SH3GL2: variants seen among roughly 807,000 people sequenced by gnomAD.
The protein encoded by SH3GL2 is endophilin-A1.
In SH3GL2, 24 loss-of-function variants were observed where a neutral mutation model predicts 46.0. The ratio of observed to expected loss-of-function variants is 0.52; its 90% CI spans 0.38 to 0.73. The LOEUF (loss-of-function observed/expected upper bound fraction) is 0.73. Ranked by LOEUF, SH3GL2 falls within the 30% of genes least tolerant of loss-of-function variation. The pLI is 0.00. For missense variants in SH3GL2, 413 were observed against 424.2 expected, an observed-to-expected ratio of 0.97 and a Z score of 0.23; for synonymous variants, 196 against 147.1, an observed-to-expected ratio of 1.33 and a Z score of -2.40.
chr9:17,582,467 C>T (rs577819380), intron 1 of SH3GL2, among the ~76,000 whole-genome samples: 221 of 152,186 alleles, frequency 1.5e-3, no homozygotes, highest in Non-Finnish European at 2.1e-3. Flanking sequence ...AGTTTTTTTA[C>T]ACTTGTTTTA....
intron 1 of SH3GL2, among the ~76,000 whole-genome samples, chr9:17,587,562 TA>T (rs1298652197): frequency 1.3e-5 from 2 of 152,126 alleles, no homozygotes; most frequent in Non-Finnish European, 2.9e-5. Flanking sequence ...TAGATTTGAG[TA>T]ATGAAATTTC....
At position 17,791,223 on chromosome 9, in the gene SH3GL2, A is replaced by T. The variant is rs371795756; in HGVS notation, c.625-8A>T. On this transcript the variant is annotated splice_region_variant and splice_polypyrimidine_tract_variant and intron_variant, in intron 6 of 8. Transcript: ENST00000380607. ...AAACTAAGGCATGATTTTCCCATCA[A>T]TCTGCAGATTGAACAAGTGAGCCAG... is the stretch of plus-strand genomic sequence containing the variant. 7.5e-5 allele frequency: 121 copies of T among 1,604,636 alleles called. No homozygotes were observed. Among genetic ancestry groups the T allele is most frequent in the Non-Finnish European group, 9.9e-5 (116 of 1,171,566 alleles).
intron 6 of SH3GL2, 183 bp downstream of exon 6, chr9:17,789,733 T>C: frequency 1.5e-6 from 2 of 1,361,652 alleles, no homozygotes; most frequent in East Asian, 2.7e-5. Flanking sequence ...GAAAAGTTTC[T>C]TCTGCATTCC....
chr9:17,787,626 C>G (rs936723243), intron 5 of SH3GL2, 113 bp downstream of exon 5: 3 of 788,792 alleles, frequency 3.8e-6, no homozygotes, highest in East Asian at 5.2e-5. Flanking sequence ...CAGCTCTGGG[C>G]ACGTTAATTA....
At chr9:17,716,007 T>C (rs1023057161) in intron 1 of SH3GL2, among the ~76,000 whole-genome samples, 2 of 152,112 alleles carry the variant, frequency 1.3e-5, no homozygotes, top group Non-Finnish European at 2.9e-5. Context: ...CTTTGCACTG[T>C]TGTAAATTTG....
intron 1 of SH3GL2, among the ~76,000 whole-genome samples, chr9:17,727,751 C>G (rs1822060123): frequency 6.6e-6 from 1 of 152,120 alleles, no homozygotes; most frequent in African/African-American, 2.4e-5. Context: ...TCACAGGGAC[C>G]CAGCAGAATT....
chr9:17,610,971 A>T (rs965425637), intron 1 of SH3GL2, among the ~76,000 whole-genome samples: 2 of 152,194 alleles, frequency 1.3e-5, no homozygotes, highest in African/African-American at 4.8e-5. Context: ...TGAGTGCCAA[A>T]GTGTTAAATA....
At chr9:17,636,384 T>C (rs1019871608) in intron 1 of SH3GL2, among the ~76,000 whole-genome samples, 2 of 152,192 alleles carry the variant, frequency 1.3e-5, no homozygotes, top group East Asian at 3.9e-4. Context: ...CTCCCATCTT[T>C]CCAAACAATA....
intron 1 of SH3GL2, among the ~76,000 whole-genome samples, chr9:17,632,713 T>G (rs1288184861): frequency 2.0e-5 from 3 of 152,198 alleles, no homozygotes; most frequent in Non-Finnish European, 4.4e-5. Context: ...TTTGTTCTTG[T>G]AACCAACCAG....
At chr9:17,677,814 G>T (rs1820652013) in intron 1 of SH3GL2, among the ~76,000 whole-genome samples, 1 of 150,950 alleles carries the variant, frequency 6.6e-6, no homozygotes, top group Non-Finnish European at 1.5e-5. Flanking sequence ...CGTGTGTGAT[G>T]TTCCCCTTCC....
Position 17,796,966 on chromosome 9 carries a change from C to T in SH3GL2, c.*1223C>T, listed in dbSNP as rs1824287864. The T allele has an allele frequency of 1.3e-5, 2 of 152,756 alleles. No individual in the cohort carries two copies. Among genetic ancestry groups the T allele is most frequent in the South Asian group, 4.1e-4 (2 of 4,824 alleles). The allele number at this position is 152,756 out of a possible 1,614,324, so 9.5% of individuals were successfully genotyped here. ...GTTAGGTATGCAGAGTTCTATTTAT[C>T]TAGCTGTACAGACTCTTTCAGAGGT... On this transcript the variant is annotated 3_prime_UTR_variant, in exon 9 of 9. Transcript: ENST00000380607.
At chr9:17,682,631 A>G (rs896552760) in intron 1 of SH3GL2, among the ~76,000 whole-genome samples, 1 of 151,906 alleles carries the variant, frequency 6.6e-6, no homozygotes, top group Non-Finnish European at 1.5e-5. Context: ...ACATATACCT[A>G]TGTAACAAAC....
At chr9:17,635,134 C>T (rs1044641017) in intron 1 of SH3GL2, among the ~76,000 whole-genome samples, 1 of 152,166 alleles carries the variant, frequency 6.6e-6, no homozygotes, top group African/African-American at 2.4e-5. Context: ...CTTCTCCCTG[C>T]CCACACCTAC....
At chr9:17,696,782 T>C (rs1307304926) in intron 1 of SH3GL2, among the ~76,000 whole-genome samples, 1 of 152,168 alleles carries the variant, frequency 6.6e-6, no homozygotes, top group Non-Finnish European at 1.5e-5. Flanking sequence ...AGCCAAACCA[T>C]ATCACATAGC....
At chr9:17,662,192 G>A (rs1170533170) in intron 1 of SH3GL2, among the ~76,000 whole-genome samples, 1 of 152,118 alleles carries the variant, frequency 6.6e-6, no homozygotes, top group Non-Finnish European at 1.5e-5. Flanking sequence ...CTGTATCTTT[G>A]CTAATTTTCT....
At chr9:17,768,383 A>C (rs569007517) in intron 3 of SH3GL2, among the ~76,000 whole-genome samples, 1 of 151,938 alleles carries the variant, frequency 6.6e-6, no homozygotes, top group Non-Finnish European at 1.5e-5. Flanking sequence ...AAAAAAAAAA[A>C]AAAAAAAACA....
chr9:17,651,244 C>T (rs994963572), intron 1 of SH3GL2, among the ~76,000 whole-genome samples: 1 of 152,108 alleles, frequency 6.6e-6, no homozygotes, highest in African/African-American at 2.4e-5. Flanking sequence ...TAAGCTTCCT[C>T]AAATTCCTGA....
intron 1 of SH3GL2, among the ~76,000 whole-genome samples, chr9:17,689,445 A>G (rs1821014151): frequency 6.6e-6 from 1 of 152,108 alleles, no homozygotes. Context: ...ATTGTAACAA[A>G]TATGCCATAT....
Position 17,795,486 on chromosome 9 carries a change from G to A in SH3GL2, c.860-58G>A. 7 of 1,398,146 alleles carry A rather than the reference G, an allele frequency of 5.0e-6. No individual in the cohort carries two copies. In the South Asian group the frequency reaches 8.6e-5, roughly 17 times the overall value. 86.6% of individuals were successfully genotyped at this position (1,398,146 alleles called of 1,614,324 possible). ...GGGTACAGCAGGCAGCAGATTCTGT[G>A]AGTTAAATACCCCTTATCCTTTTGT... is the stretch of plus-strand genomic sequence containing the variant. On this transcript the variant is annotated intron_variant, in intron 8 of 8. Transcript: ENST00000380607.
Sources: gnomAD v4.1 joint callset for allele counts (sites outside exome capture counted in the v4.1 genomes callset) on GRCh38, gnomAD v4.1.1 for gene constraint, MANE v1.5 for transcripts, NCBI Gene and HGNC (gene_info 2026-07-23, HGNC 2026-07-21) for gene names.